The following GON4L variants were observed in gnomAD, a reference collection of about 807,000 sequenced individuals.
GON4L encodes the protein gon-4 like.
GON4L carries 87 observed loss-of-function variants against 211.8 expected under a neutral mutation model. The ratio of observed to expected loss-of-function variants is 0.41; its 90% confidence interval spans 0.35 to 0.49. The LOEUF (loss-of-function observed/expected upper bound fraction) is 0.49, where lower values mean the gene tolerates loss of function less well. Among genes scored for constraint, GON4L ranks in the 20% least tolerant of loss-of-function variants. GON4L has a pLI of 0.15. For synonymous variants in GON4L, 875 were observed against 962.6 expected (o/e 0.91, Z 1.68); for missense variants, 2,155 against 2,659.5 (o/e 0.81, Z 4.17).
rs553613494 is a variant in GON4L at position 155,832,646 on chromosome 1, A to G, written c.506-5618T>C. Among the ~76,000 whole-genome samples, 9 of 152,330 alleles carry G rather than the reference A, an allele frequency of 5.9e-5. No homozygotes were observed. In the East Asian group the frequency reaches 1.7e-3, roughly 29 times the overall value. ...AGAGCGAGACTCTGTCTCAAAAACA[A>G]ACAAACAAACAAACAATAACAACAA... On this transcript the variant is annotated intron_variant, in intron 2 of 31. Coordinates refer to ENST00000368331, the MANE Select transcript of GON4L (RefSeq NM_001282860.2).
At chr1:155,851,937 C>T (rs889349319) in intron 2 of GON4L, among the ~76,000 whole-genome samples, 1 of 151,324 alleles carries the variant, frequency 6.6e-6, no homozygotes, top group Non-Finnish European at 1.5e-5. Context: ...GGCCAAGGTA[C>T]GTGGATCACC....
chr1:155,749,246 C>CT (rs774783681), downstream of GON4L: 30 of 1,550,588 alleles, frequency 1.9e-5, no homozygotes, highest in East Asian at 4.1e-4. Context: ...GAGCAAAACT[C>CT]TGTCTCAAAA....
chr1:155,850,479 T>A (rs1386837425), intron 2 of GON4L, among the ~76,000 whole-genome samples: 3 of 152,174 alleles, frequency 2.0e-5, no homozygotes, highest in Admixed American at 6.5e-5. Flanking sequence ...GGAGAGCACT[T>A]TTCCCCAAAA....
intron 1 of GON4L, 129 bp from the exon 2 acceptor site, chr1:155,853,935 T>A: frequency 1.5e-6 from 1 of 671,932 alleles, no homozygotes; most frequent in Non-Finnish European, 2.6e-6. Context: ...AATTTCCCTT[T>A]AGGTGGAAGT....
downstream of GON4L, chr1:155,747,992 A>G (rs1488555150): frequency 1.9e-6 from 3 of 1,596,090 alleles, no homozygotes; most frequent in Non-Finnish European, 1.7e-6. Context: ...CCAGAGAAAC[A>G]TCTATCGTCT....
At chr1:155,833,241 C>G (rs1182626646) in intron 2 of GON4L, among the ~76,000 whole-genome samples, 3 of 152,148 alleles carry the variant, frequency 2.0e-5, no homozygotes, top group African/African-American at 7.2e-5. Context: ...CATTCCTTCT[C>G]TAGCATTTTA....
rs775222443 is a variant in GON4L at position 155,753,329 on chromosome 1, C to G, written c.5717G>C (p.Gly1906Ala). ...CTTGCCCTGCCCAGCTTCCTTAGCA[C>G]CAGGCATAGGACTAGCCTCTCGGTG... ...SPHREASPMP[G>A]AKEAGQGKDM... is the part of the protein sequence containing the mutation. The change falls in exon 29 of 32, where the codon GGT becomes GCT. Residue 1906 changes from glycine (G) to alanine (A), a missense_variant. Transcript: ENST00000368331. 21 of 1,613,318 alleles carry G rather than the reference C, an allele frequency of 1.3e-5. No homozygotes were observed. The highest frequency in any genetic ancestry group is 1.8e-5 in the Non-Finnish European group (21 of 1,179,490).
chr1:155,834,554 T>G (rs1411204103), intron 2 of GON4L, among the ~76,000 whole-genome samples: 1 of 152,158 alleles, frequency 6.6e-6, no homozygotes, highest in Non-Finnish European at 1.5e-5. Context: ...GGACTTGTTT[T>G]CCAAGCACTG....
rs1159002968 is a variant in GON4L at position 155,751,844 on chromosome 1, T to C, written c.6499A>G (p.Met2167Val). 1.9e-6 allele frequency: 3 copies of C among 1,613,522 alleles called. No homozygotes were observed. The African/African-American group carries it at 4.0e-5, about 22-fold the overall frequency. Residue 2167 changes from methionine to valine, a missense_variant, in exon 31 of 32, where the codon ATG becomes GTG. Transcript: ENST00000368331. ...TREADRVILT[M>V]CQEQGAQPQT... The stretch of plus-strand genomic sequence containing the variant: ...GGCTGTGCCCCTTGCTCCTGGCACA[T>C]GGTGAGGATCACACGGTCAGCTTCC...
chr1:155,777,374 T>C (rs957026225), intron 15 of GON4L, among the ~76,000 whole-genome samples: 1 of 151,922 alleles, frequency 6.6e-6, no homozygotes, highest in Non-Finnish European at 1.5e-5. Flanking sequence ...AGGTCAGGAG[T>C]TCGAGACCAG....
At chr1:155,796,997 G>A (rs1666128980) in intron 11 of GON4L, among the ~76,000 whole-genome samples, 1 of 151,974 alleles carries the variant, frequency 6.6e-6, no homozygotes. Context: ...TTCTTTTTGT[G>A]GAAAAAAATT....
At position 155,776,415 on chromosome 1, in the gene GON4L, T is replaced by G; in HGVS notation, c.2158A>C (p.Thr720Pro). ...CTTACAAGAAATATCCTGGTGGTAG[T>G]GGCCTCCGGATTGAGGTTGGGGTTG... The part of the protein sequence containing the change: ...TCNPNLNPEA[T>P]TTRIFLKELG... The change falls in exon 16 of 32, where the codon ACT becomes CCT. Residue 720 changes from threonine (T) to proline (P), a missense_variant. This residue lies in a region of GON4L where 551 missense variants were observed against 854.0 expected (regional missense o/e 0.65). Coordinates refer to ENST00000368331, the MANE Select transcript of GON4L (RefSeq NM_001282860.2). 1 of 1,610,440 alleles carries G rather than the reference T, an allele frequency of 6.2e-7. No individual in the cohort carries two copies. The highest frequency in any genetic ancestry group is 2.2e-5 in the East Asian group (1 of 44,870).
At chr1:155,748,568 A>C, downstream of GON4L, 1 of 1,613,648 alleles carries the variant, frequency 6.2e-7, no homozygotes, top group East Asian at 2.2e-5. Flanking sequence ...CAGTGCTGAG[A>C]AAATGTCCTA....
chr1:155,797,275 CAGCT>C (rs2102008352), intron 11 of GON4L, among the ~76,000 whole-genome samples: 1 of 151,942 alleles, frequency 6.6e-6, no homozygotes, highest in Non-Finnish European at 1.5e-5. Flanking sequence ...CCACCATGCC[CAGCT>C]AATTTTTATA....
chr1:155,810,856 A>G (rs1184490685), intron 10 of GON4L, among the ~76,000 whole-genome samples: 1 of 152,058 alleles, frequency 6.6e-6, no homozygotes, highest in Admixed American at 6.6e-5. Flanking sequence ...CTACTAAAAA[A>G]TACAAAAAAT....
intron 12 of GON4L, among the ~76,000 whole-genome samples, chr1:155,794,587 C>T (rs888044397): frequency 5.9e-5 from 9 of 152,148 alleles, no homozygotes; most frequent in East Asian, 1.9e-4. Flanking sequence ...CTTATTCCTC[C>T]TTCAAAACTA....
Position 155,826,857 on chromosome 1 carries a change from C to A in GON4L, c.677G>T (p.Gly226Val), listed in dbSNP as rs1036051817. The change falls in exon 3 of 32, where the codon GGT becomes GTT. Residue 226 changes from glycine to valine, a missense_variant. Gly to Val is a moderately radical substitution (Grantham distance 109). Transcript: ENST00000368331. ...FHQPEEEIED[G>V]GLFIPMEEQD... ...CCTACCCATTGGAATGAAGAGTCCA[C>A]CATCTTCTATCTCTTCCTCAGGTTG... The A allele has an allele frequency of 2.5e-6, 4 of 1,611,188 alleles. No individual in the cohort carries two copies. The highest frequency in any genetic ancestry group is 1.7e-5 in the Admixed American group (1 of 59,988).
At chr1:155,775,929 T>C (rs1663775306) in intron 16 of GON4L, among the ~76,000 whole-genome samples, 1 of 152,090 alleles carries the variant, frequency 6.6e-6, no homozygotes, top group African/African-American at 2.4e-5. Flanking sequence ...AGACTACAGG[T>C]ACGCACCACC....
chr1:155,799,669 C>G (rs558894938), intron 11 of GON4L, among the ~76,000 whole-genome samples: 3 of 152,132 alleles, frequency 2.0e-5, no homozygotes, highest in African/African-American at 4.8e-5. Context: ...ATAAACATCA[C>G]CCTACATATC....
Sources: gnomAD v4.1 joint callset for allele counts (sites outside exome capture counted in the v4.1 genomes callset) on GRCh38, gnomAD v4.1.1 for gene constraint, gnomAD v4.1.1 regional missense constraint, MANE v1.5 for transcripts, NCBI Gene and HGNC (gene_info 2026-07-23, HGNC 2026-07-21) for gene names.